The following PLXNA4 variants were observed in gnomAD, a reference collection of about 807,000 sequenced individuals.
PLXNA4 encodes plexin-A4.
PLXNA4 carries 44 observed loss-of-function variants against 191.8 expected under a neutral mutation model. The observed-to-expected ratio is 0.23, with a 90% CI of 0.18 to 0.29. The LOEUF (loss-of-function observed/expected upper bound fraction) is 0.29. PLXNA4 is among the 10% of genes least tolerant of loss of function. The probability of loss-of-function intolerance (pLI) is 1.00; values close to 1 mark genes in which losing one functional copy is unlikely to be tolerated. For synonymous variants in PLXNA4, 1,082 were observed against 1,009.5 expected (o/e 1.07, Z -1.36); for missense variants, 1,800 against 2,488.8 (o/e 0.72, Z 5.89).
intron 30 of PLXNA4, among the ~76,000 whole-genome samples, chr7:132,138,874 T>C (rs536092224): frequency 6.6e-6 from 1 of 152,322 alleles, no homozygotes; most frequent in Non-Finnish European, 1.5e-5. Context: ...GCAGACACTT[T>C]ATAAATGTTC....
chr7:132,535,855 C>A (rs145847275), intron 1 of PLXNA4, among the ~76,000 whole-genome samples: 53 of 152,174 alleles, frequency 3.5e-4, no homozygotes, highest in African/African-American at 1.2e-3. Flanking sequence ...ACTTGACCCC[C>A]ATCATCTCCA....
At chr7:132,626,832 C>G (rs1803385964) in intron 2 of PLXNA4, among the ~76,000 whole-genome samples, 2 of 152,166 alleles carry the variant, frequency 1.3e-5, no homozygotes, top group South Asian at 2.1e-4. Context: ...CAGCCCAACC[C>G]AGGATATAGC....
At chr7:132,145,517 C>T in intron 28 of PLXNA4, 1 of 556,378 alleles carries the variant, frequency 1.8e-6, no homozygotes, top group Non-Finnish European at 3.1e-6. Context: ...ATGACTGGAC[C>T]TACGTAAGGC....
intron 1 of PLXNA4, among the ~76,000 whole-genome samples, chr7:132,525,199 G>C (rs2116393414): frequency 1.3e-5 from 2 of 152,284 alleles, no homozygotes; most frequent in Middle Eastern, 3.4e-3. Context: ...CTTTCACCTA[G>C]CTTAATGTCC....
At chr7:132,428,362 T>C (rs548316199) in intron 3 of PLXNA4, among the ~76,000 whole-genome samples, 112 of 152,294 alleles carry the variant, frequency 7.4e-4, no homozygotes, top group African/African-American at 2.6e-3. Flanking sequence ...CTGGGGGTGA[T>C]GGATGGCTCA....
chr7:132,562,308 TTCCTCC>T (rs1400473195), intron 1 of PLXNA4, among the ~76,000 whole-genome samples: 1 of 61,082 alleles, frequency 1.6e-5, no homozygotes, highest in Non-Finnish European at 3.1e-5. Flanking sequence ...CCTTCTCCTC[TTCCTCC>T]TCTTCCTCCT....
chr7:132,322,335 CCAT>C (rs1335340644), intron 3 of PLXNA4, among the ~76,000 whole-genome samples: 1 of 152,094 alleles, frequency 6.6e-6, no homozygotes, highest in Non-Finnish European at 1.5e-5. Context: ...GCATGTGCCA[CCAT>C]GTCTGGCTAA....
At chr7:132,543,081 T>C (rs1474880555) in intron 1 of PLXNA4, among the ~76,000 whole-genome samples, 2 of 152,250 alleles carry the variant, frequency 1.3e-5, no homozygotes, top group Admixed American at 1.3e-4. Context: ...TATTCAAAGA[T>C]TTATTTGTAG....
At chr7:132,225,664 T>C (rs1324301729) in intron 8 of PLXNA4, among the ~76,000 whole-genome samples, 2 of 151,952 alleles carry the variant, frequency 1.3e-5, no homozygotes, top group African/African-American at 4.8e-5. Context: ...CCAGCCTGTC[T>C]GCACTCAGCC....
intron 3 of PLXNA4, among the ~76,000 whole-genome samples, chr7:132,367,109 G>T (rs186063138): frequency 2.0e-5 from 3 of 152,216 alleles, no homozygotes; most frequent in Non-Finnish European, 4.4e-5. Context: ...AGATATCTAA[G>T]ATTACCTGGA....
At chr7:132,138,321 G>T (rs1041368066) in intron 30 of PLXNA4, among the ~76,000 whole-genome samples, 2 of 152,176 alleles carry the variant, frequency 1.3e-5, no homozygotes, top group African/African-American at 4.8e-5. Flanking sequence ...CCAAGCCGTG[G>T]CCAGGTCACT....
chr7:132,390,314 G>A (rs980689770), intron 3 of PLXNA4, among the ~76,000 whole-genome samples: 1 of 152,074 alleles, frequency 6.6e-6, no homozygotes, highest in East Asian at 1.9e-4. Flanking sequence ...AACTAACACA[G>A]GAACAGAAAA....
chr7:132,565,330 C>T (rs1801673407), intron 1 of PLXNA4, among the ~76,000 whole-genome samples: 1 of 152,130 alleles, frequency 6.6e-6, no homozygotes, highest in Admixed American at 6.5e-5. Context: ...TATTCCCTGG[C>T]CAGTATATAA....
intron 4 of PLXNA4, among the ~76,000 whole-genome samples, chr7:132,268,823 T>C (rs1799951601): frequency 6.6e-6 from 1 of 152,192 alleles, no homozygotes; most frequent in Admixed American, 6.5e-5. Flanking sequence ...CTGGCCTTCC[T>C]GGTGAATGTG....
chr7:132,508,386 G>T lies in PLXNA4; in HGVS notation c.308C>A (p.Thr103Asn). The T allele has an allele frequency of 6.2e-7, 1 of 1,614,170 alleles. No homozygotes were observed. The highest frequency in any genetic ancestry group is 8.5e-7 in the Non-Finnish European group (1 of 1,180,042). ...PKCYPPRIVQ[T>N]CNEPLTTTNN... Reference sequence around the variant, plus strand: ...GGTGGTGGTCAGGGGCTCATTGCAGGTCTGGACGATGCGGGGTGGGTAACA... The same window carrying T: ...GGTGGTGGTCAGGGGCTCATTGCAGTTCTGGACGATGCGGGGTGGGTAACA... The change falls in exon 2 of 32, where the codon ACC becomes AAC. Residue 103 changes from threonine to asparagine, a missense_variant. Coordinates refer to ENST00000321063, the MANE Select transcript of PLXNA4 (RefSeq NM_020911.2). The surrounding 1 kb of genome is among the most constrained non-coding windows in gnomAD (Gnocchi z 4.4).
chr7:132,577,240 G>A (rs1802285641), upstream of PLXNA4: 1 of 151,024 alleles, frequency 6.6e-6, no homozygotes, highest in South Asian at 2.0e-4. Flanking sequence ...GCAGGGAGCG[G>A]GGCCGCCGCT....
At chr7:132,142,437 A>G (rs1795298026) in intron 29 of PLXNA4, among the ~76,000 whole-genome samples, 1 of 152,240 alleles carries the variant, frequency 6.6e-6, no homozygotes. Context: ...TCTTTGAATT[A>G]CATCATTTCA....
Position 132,164,301 on chromosome 7 carries a change from A to G in PLXNA4, c.4354-13T>C. ...CCCCAGCACACTCCTGGAGGTGAGA[A>G]GAACGTCATTAGGAGGAGCTCTTGG... is the stretch of plus-strand genomic sequence containing the variant. On this transcript the variant is annotated splice_polypyrimidine_tract_variant and intron_variant, in intron 23 of 31. Transcript: ENST00000321063. The G allele has an allele frequency of 6.2e-7, 1 of 1,613,360 alleles. No homozygotes were observed. Among genetic ancestry groups the G allele is most frequent in the Non-Finnish European group, 8.5e-7 (1 of 1,179,422 alleles).
rs975148510 is a variant in PLXNA4 at position 132,301,352 on chromosome 7, A to G, written c.1372-3130T>C. Reference sequence around the variant, plus strand: ...ACCCTTAACATAGACAAATAGAACAAGAGCTGTTATTTATTGAGTGGCCAC... The same window carrying G: ...ACCCTTAACATAGACAAATAGAACAGGAGCTGTTATTTATTGAGTGGCCAC... On this transcript the variant is annotated intron_variant, in intron 3 of 31. Coordinates refer to ENST00000321063, the MANE Select transcript of PLXNA4 (RefSeq NM_020911.2). Among the ~76,000 whole-genome samples the G allele has an allele frequency of 4.6e-5, 7 of 152,184 alleles. 1 individual carries two copies. The East Asian group carries it at 1.3e-3, about 29-fold the overall frequency.
Sources: gnomAD v4.1 joint callset for allele counts (sites outside exome capture counted in the v4.1 genomes callset) on GRCh38, gnomAD v4.1.1 for gene constraint, Gnocchi (gnomAD v3.1) non-coding constraint, MANE v1.5 for transcripts, NCBI Gene and HGNC (gene_info 2026-07-23, HGNC 2026-07-21) for gene names.